The following GABRG3 variants were observed in gnomAD, a reference collection of about 807,000 sequenced individuals.
The protein encoded by GABRG3 is gamma-aminobutyric acid type A receptor subunit gamma3.
In GABRG3, 25 loss-of-function variants were observed where a neutral mutation model predicts 48.8. The ratio of observed to expected loss-of-function variants is 0.51; its 90% confidence interval spans 0.37 to 0.72. The LOEUF is 0.72. Ranked by LOEUF, GABRG3 falls within the 30% of genes least tolerant of loss-of-function variation. The probability of loss-of-function intolerance (pLI) is 0.00; values close to 1 mark genes in which losing one functional copy is unlikely to be tolerated. For synonymous variants in GABRG3, 227 were observed against 217.6 expected, an observed-to-expected ratio of 1.04 and a Z score of -0.38; for missense variants, 394 against 577.9, an observed-to-expected ratio of 0.68 and a Z score of 3.26.
intron 3 of GABRG3, among the ~76,000 whole-genome samples, chr15:27,151,345 C>T (rs1490404051): frequency 8.0e-6 from 1 of 124,240 alleles, no homozygotes; most frequent in Non-Finnish European, 1.7e-5. Context: ...CAGACTGCTA[C>T]CTTTTGGGAC....
chr15:27,308,350 T>A (rs1892805410), intron 3 of GABRG3, among the ~76,000 whole-genome samples: 1 of 112,420 alleles, frequency 8.9e-6, no homozygotes, highest in African/African-American at 3.3e-5. Flanking sequence ...AATATAAACA[T>A]ACGTTTATAT....
At chr15:27,033,382 T>C (rs576870912) in intron 3 of GABRG3, among the ~76,000 whole-genome samples, 2 of 152,288 alleles carry the variant, frequency 1.3e-5, no homozygotes, top group African/African-American at 4.8e-5. Flanking sequence ...ATCCTAGCCA[T>C]GCATCCTTGA....
At chr15:27,054,438 G>A (rs181760723) in intron 3 of GABRG3, among the ~76,000 whole-genome samples, 95 of 152,180 alleles carry the variant, frequency 6.2e-4, no homozygotes, top group African/African-American at 2.2e-3. Flanking sequence ...AAACAAGGAA[G>A]AAGGAAATAA....
chr15:27,520,043 A>G lies in GABRG3; in HGVS notation c.784A>G (p.Ile262Val). The stretch of plus-strand genomic sequence containing the variant: ...GGGATACTTCACCATTCAGACATAC[A>G]TTCCCTGTATACTGACTGTGGTTTT... The part of the protein sequence containing the change: ...RMGYFTIQTY[I>V]PCILTVVLSW... Residue 262 changes from isoleucine (I) to valine (V), a missense_variant, in exon 7 of 10, where the codon ATT becomes GTT. By Grantham distance (29) the Ile-to-Val change is conservative. Coordinates refer to ENST00000615808, the MANE Select transcript of GABRG3 (RefSeq NM_033223.5). 1.3e-6 allele frequency: 2 copies of G among 1,596,914 alleles called. No homozygotes were observed. The highest frequency in any genetic ancestry group is 1.7e-6 in the Non-Finnish European group (2 of 1,170,130).
intron 3 of GABRG3, among the ~76,000 whole-genome samples, chr15:27,312,207 G>A (rs1204278938): frequency 6.6e-6 from 1 of 152,074 alleles, no homozygotes; most frequent in Admixed American, 6.6e-5. Flanking sequence ...TGAAGCAGAA[G>A]ATAGAAACAG....
chr15:27,079,020 G>A (rs1160893761), intron 3 of GABRG3, among the ~76,000 whole-genome samples: 1 of 152,216 alleles, frequency 6.6e-6, no homozygotes, highest in Non-Finnish European at 1.5e-5. Context: ...AGAGACTGGA[G>A]TGATGCATCT....
At chr15:27,126,406 A>G (rs1316465229) in intron 3 of GABRG3, among the ~76,000 whole-genome samples, 1 of 152,080 alleles carries the variant, frequency 6.6e-6, no homozygotes, top group Admixed American at 6.6e-5. Context: ...TCGGTCCTCA[A>G]TCTTTCCCAC....
chr15:27,028,107 A>G (rs1454929114), intron 3 of GABRG3, among the ~76,000 whole-genome samples: 2 of 152,222 alleles, frequency 1.3e-5, no homozygotes, highest in Non-Finnish European at 2.9e-5. Flanking sequence ...TTATTGGAAT[A>G]GACGGGAATT....
At position 27,361,404 on chromosome 15, in the gene GABRG3, C is replaced by T. The variant is rs112184993; in HGVS notation, c.574+32516C>T. ...CTGAATTAACTTCTTCCCAGGATGA[C>T]GCTAAGGCCCTGAGACTCAGGACTG... On this transcript the variant is annotated intron_variant, in intron 5 of 9. Transcript: ENST00000615808. Among the ~76,000 whole-genome samples the T allele has an allele frequency of 5.8e-3, 883 of 152,304 alleles. 6 individuals are homozygous for T. Among genetic ancestry groups the T allele is most frequent in the Middle Eastern group, 0.02 (6 of 294 alleles).
chr15:27,202,494 G>A (rs1364408708), intron 3 of GABRG3, among the ~76,000 whole-genome samples: 1 of 152,154 alleles, frequency 6.6e-6, no homozygotes, highest in Non-Finnish European at 1.5e-5. Context: ...TAGATTGGCA[G>A]GTTGCTTTCC....
chr15:27,539,823 C>CTTTA lies in GABRG3; in HGVS notation c.*6942_*6943insTTTA, dbSNP rs1891626799. On this transcript the variant is annotated 3_prime_UTR_variant, in exon 10 of 10. Coordinates refer to ENST00000615808, the MANE Select transcript of GABRG3 (RefSeq NM_033223.5). ...GAGAGGAAAAAAAGAAAAAATGTTG[C>CTTTA]ATTCTTAAGCAATTAAAGACTCCTT... The CTTTA allele has an allele frequency of 6.6e-6, 1 of 152,130 alleles. No individual in the cohort carries two copies. The highest frequency in any genetic ancestry group is 2.4e-5 in the African/African-American group (1 of 41,438). The allele number at this position is 152,130 out of a possible 1,614,324, so 9.4% of individuals were successfully genotyped here. A position where few individuals can be genotyped will look rare whatever the true frequency, so the allele number is the denominator to read the frequency against.
chr15:27,081,172 A>G (rs1050519162), intron 3 of GABRG3, among the ~76,000 whole-genome samples: 1 of 152,166 alleles, frequency 6.6e-6, no homozygotes, highest in Admixed American at 6.5e-5. Flanking sequence ...TGTTGGTTAT[A>G]GTAAAAGCTA....
Position 26,976,952 on chromosome 15 carries a change from T to C in GABRG3, c.54-50T>C, listed in dbSNP as rs1894960957. ...GGATAGGACAAACTTAGGCTCTTCC[T>C]AGAGCCATTGCTGCCACTTATATGT... On this transcript the variant is annotated intron_variant, in intron 1 of 9. Coordinates refer to ENST00000615808, the MANE Select transcript of GABRG3 (RefSeq NM_033223.5). The surrounding 1 kb of genome is among the most constrained non-coding windows in gnomAD (Gnocchi z 7.8). The C allele has an allele frequency of 3.1e-6, 5 of 1,603,350 alleles. No homozygotes were observed. Among genetic ancestry groups the C allele is most frequent in the Middle Eastern group, 3.3e-4 (2 of 6,060 alleles).
chr15:27,122,530 T>G (rs1358090925), intron 3 of GABRG3, among the ~76,000 whole-genome samples: 1 of 152,222 alleles, frequency 6.6e-6, no homozygotes, highest in Admixed American at 6.5e-5. Context: ...GTGGAGGAAT[T>G]ATCCCTATGA....
At chr15:27,090,969 T>G (rs1178776520) in intron 3 of GABRG3, among the ~76,000 whole-genome samples, 2 of 152,324 alleles carry the variant, frequency 1.3e-5, no homozygotes, top group East Asian at 3.9e-4. Context: ...TTTTATTTCT[T>G]CCTTTACTAT....
chr15:27,184,950 A>G (rs1334327267), intron 3 of GABRG3, among the ~76,000 whole-genome samples: 1 of 151,598 alleles, frequency 6.6e-6, no homozygotes, highest in African/African-American at 2.4e-5. Flanking sequence ...TTCTTGTTAG[A>G]TGTTTATTGT....
chr15:27,292,622 C>A (rs1234074294), intron 3 of GABRG3, among the ~76,000 whole-genome samples: 2 of 152,008 alleles, frequency 1.3e-5, no homozygotes, highest in East Asian at 3.9e-4. Flanking sequence ...TTTCTCTATT[C>A]AAATAAAGTA....
intron 5 of GABRG3, among the ~76,000 whole-genome samples, chr15:27,413,520 A>G (rs1476549779): frequency 6.6e-6 from 1 of 152,244 alleles, no homozygotes. Context: ...GATGTAGCAC[A>G]CGAAAAATCA....
intron 2 of GABRG3, among the ~76,000 whole-genome samples, chr15:26,984,125 T>C (rs1198226043): frequency 6.6e-6 from 1 of 152,170 alleles, no homozygotes; most frequent in Non-Finnish European, 1.5e-5. Context: ...TAATACATTT[T>C]GAAGGCCTGT....
Sources: allele counts gnomAD v4.1 joint callset (sites outside exome capture counted in the v4.1 genomes callset), GRCh38; gene constraint gnomAD v4.1.1; non-coding constraint Gnocchi (gnomAD v3.1); transcripts MANE v1.5; gene names NCBI Gene and HGNC (gene_info 2026-07-23, HGNC 2026-07-21).